Variants in FAT3 observed in about 807,000 individuals in gnomAD.
The protein encoded by FAT3 is FAT atypical cadherin 3.
Under a neutral mutation model 310.2 loss-of-function variants are expected in FAT3, and 95 were observed. The ratio of observed to expected loss-of-function variants is 0.31; its 90% CI spans 0.26 to 0.36. The LOEUF is 0.36. FAT3 is among the 10% of genes least tolerant of loss of function. The pLI, the probability that FAT3 is intolerant of heterozygous loss-of-function variation, is 1.00. For synonymous variants in FAT3, 2,314 were observed against 2,192.9 expected (o/e 1.06, Z -1.54); for missense variants, 5,408 against 5,715.6 (o/e 0.95, Z 1.74).
chr11:92,800,442 A>G lies in FAT3; in HGVS notation c.7429A>G (p.Thr2477Ala). 1 of 1,613,994 alleles carries G rather than the reference A, an allele frequency of 6.2e-7. No homozygotes were observed. Among genetic ancestry groups the G allele is most frequent in the Non-Finnish European group, 8.5e-7 (1 of 1,179,884 alleles). The change falls in exon 10 of 28, where the codon ACC becomes GCC. Residue 2477 changes from threonine to alanine, a missense_variant. Thr to Ala is a moderately conservative substitution (Grantham distance 58, BLOSUM62 0). Around this residue, in one of 5 missense-constraint regions of FAT3, gnomAD observed 4,588 missense variants for 4,809.8 expected, o/e 0.95. Coordinates refer to ENST00000525166, the MANE Select transcript of FAT3 (RefSeq NM_001367949.2). Reference sequence around the variant, plus strand: ...TGTGTCTGTCTCTGATGGGTTGTTCACCAGCACTGCACAGGTGCATATTAG... The same window carrying G: ...TGTGTCTGTCTCTGATGGGTTGTTCGCCAGCACTGCACAGGTGCATATTAG... The part of the protein sequence containing the change: ...LNVSVSDGLF[T>A]STAQVHIRVL...
At chr11:92,669,456 A>G (rs772870701) in intron 3 of FAT3, among the ~76,000 whole-genome samples, 1 of 152,194 alleles carries the variant, frequency 6.6e-6, no homozygotes, top group African/African-American at 2.4e-5. Context: ...GCCTGTGTGC[A>G]TTGCGTTTAT....
intron 23 of FAT3, 60 bp from the exon 24 acceptor site, chr11:92,882,678 C>G: frequency 6.9e-7 from 1 of 1,457,772 alleles, no homozygotes; most frequent in Middle Eastern, 1.9e-4. Flanking sequence ...CTCGAGTTCC[C>G]GTATACCAAC....
intron 22 of FAT3, among the ~76,000 whole-genome samples, chr11:92,878,860 G>C (rs1008770441): frequency 1.2e-4 from 18 of 151,698 alleles, no homozygotes; most frequent in Non-Finnish European, 2.4e-4. Context: ...AAATAGAATA[G>C]AGAAAACAGA....
chr11:92,409,373 C>T (rs971860618), intron 2 of FAT3, among the ~76,000 whole-genome samples: 2 of 152,056 alleles, frequency 1.3e-5, no homozygotes, highest in Non-Finnish European at 2.9e-5. Flanking sequence ...AAAAAGATGT[C>T]ATCCTGTGTC....
chr11:92,471,667 G>T (rs564993542), intron 2 of FAT3, among the ~76,000 whole-genome samples: 2 of 152,024 alleles, frequency 1.3e-5, no homozygotes, highest in African/African-American at 4.8e-5. Context: ...ATGCATTTAC[G>T]CTAATCAGTA....
chr11:92,376,703 C>T (rs1192611307), intron 2 of FAT3, among the ~76,000 whole-genome samples: 2 of 152,078 alleles, frequency 1.3e-5, no homozygotes, highest in Non-Finnish European at 2.9e-5. Flanking sequence ...CCCAGAATCC[C>T]TCACTTTGGA....
intron 3 of FAT3, among the ~76,000 whole-genome samples, chr11:92,599,590 AC>A (rs1386624593): frequency 2.0e-5 from 3 of 152,072 alleles, no homozygotes; most frequent in Admixed American, 6.5e-5. Context: ...CCAAGCACCA[AC>A]CCCCATCATT....
chr11:92,403,523 G>A (rs1029140279), intron 2 of FAT3: 8 of 152,200 alleles, frequency 5.3e-5, no homozygotes, highest in African/African-American at 1.9e-4. Context: ...GTTTAGAGAT[G>A]AGAGCTGGAG....
chr11:92,281,786 T>A lies in FAT3; in HGVS notation c.-18+56612T>A, dbSNP rs138729787. On this transcript the variant is annotated intron_variant, in intron 1 of 27. Transcript: ENST00000525166. ...ATTAGACCTGGATTTCAGTGGAACC[T>A]GGGAGAAATGATTGTATGTTTGGAT... Among the ~76,000 whole-genome samples the A allele has an allele frequency of 1.3e-3, 195 of 152,326 alleles. 2 individuals are homozygous for A. The highest frequency in any genetic ancestry group is 4.4e-3 in the African/African-American group (184 of 41,594).
intron 2 of FAT3, chr11:92,400,613 C>T (rs1295260042): frequency 1.3e-5 from 2 of 151,742 alleles, no homozygotes; most frequent in African/African-American, 4.8e-5. Flanking sequence ...ATAAACAGCG[C>T]TATGAAGGAG....
At chr11:92,843,321 T>C (rs1948594869) in intron 18 of FAT3, among the ~76,000 whole-genome samples, 1 of 152,164 alleles carries the variant, frequency 6.6e-6, no homozygotes, top group African/African-American at 2.4e-5. Flanking sequence ...TACCTCCACC[T>C]TGCATGCGAT....
intron 3 of FAT3, among the ~76,000 whole-genome samples, chr11:92,568,855 C>G (rs1471962200): frequency 6.6e-6 from 1 of 152,168 alleles, no homozygotes; most frequent in East Asian, 1.9e-4. Context: ...ACAGTGTGCT[C>G]TGACCTCAGG....
At chr11:92,646,549 G>A (rs1280952591) in intron 3 of FAT3, among the ~76,000 whole-genome samples, 1 of 152,160 alleles carries the variant, frequency 6.6e-6, no homozygotes, top group African/African-American at 2.4e-5. Flanking sequence ...GAAGGGAAAG[G>A]CATACTTACT....
intron 2 of FAT3, among the ~76,000 whole-genome samples, chr11:92,497,576 C>A (rs1199927692): frequency 6.6e-6 from 1 of 152,008 alleles, no homozygotes; most frequent in Non-Finnish European, 1.5e-5. Flanking sequence ...GGTCACACAG[C>A]TACTTAATGA....
intron 14 of FAT3, among the ~76,000 whole-genome samples, chr11:92,834,146 G>A (rs1163035221): frequency 6.6e-6 from 1 of 152,218 alleles, no homozygotes; most frequent in African/African-American, 2.4e-5. Flanking sequence ...CCAAGAAAGG[G>A]CTAGGATGGG....
chr11:92,241,466 T>C (rs1392976130), intron 1 of FAT3, among the ~76,000 whole-genome samples: 2 of 152,112 alleles, frequency 1.3e-5, no homozygotes, highest in Non-Finnish European at 2.9e-5. Context: ...TGTTTTTAGA[T>C]AGATATTTTA....
intron 4 of FAT3, among the ~76,000 whole-genome samples, chr11:92,729,439 T>TG (rs1158652509): frequency 6.6e-6 from 1 of 151,048 alleles, no homozygotes; most frequent in Non-Finnish European, 1.5e-5. Context: ...TTTTTTTTTT[T>TG]TTTTTGAGAT....
chr11:92,564,194 C>G (rs1310237671), intron 3 of FAT3, among the ~76,000 whole-genome samples: 1 of 152,088 alleles, frequency 6.6e-6, no homozygotes, highest in Non-Finnish European at 1.5e-5. Context: ...GAAGGAAGAT[C>G]TATCAAACAA....
Position 92,798,210 on chromosome 11 carries a change from C to G in FAT3, c.5197C>G (p.Arg1733Gly). 1 of 1,613,934 alleles carries G rather than the reference C, an allele frequency of 6.2e-7. No homozygotes were observed. Among genetic ancestry groups the G allele is most frequent in the Non-Finnish European group, 8.5e-7 (1 of 1,179,860 alleles). ...ITTQKALDYE[R>G]TSSYQLIIQA... is the part of the protein sequence containing the mutation. ...CACTCAGAAGGCCCTGGATTATGAG[C>G]GCACATCCTCTTATCAACTCATCAT... The change falls in exon 10 of 28, where the codon CGC (arginine) becomes GGC (glycine). Residue 1733 changes from arginine to glycine, a missense_variant. Physicochemically the swap from Arg to Gly is moderately radical, Grantham distance 125. Transcript: ENST00000525166.
Sources: gnomAD v4.1 joint callset for allele counts (sites outside exome capture counted in the v4.1 genomes callset) on GRCh38, gnomAD v4.1.1 for gene constraint, gnomAD v4.1.1 regional missense constraint, MANE v1.5 for transcripts, NCBI Gene and HGNC (gene_info 2026-07-23, HGNC 2026-07-21) for gene names.